The following NUP210L variants were observed in gnomAD, a reference collection of about 807,000 sequenced individuals.
The protein encoded by NUP210L is nuclear pore membrane glycoprotein 210-like.
In NUP210L, 74 loss-of-function variants were observed where a neutral mutation model predicts 208.5. The observed-to-expected ratio is 0.35, with a 90% CI of 0.29 to 0.43. The LOEUF is 0.43. Ranked by LOEUF, NUP210L falls within the 20% of genes least tolerant of loss-of-function variation. The pLI is 1.00. For missense variants in NUP210L, 1,843 were observed against 2,289.4 expected, an observed-to-expected ratio of 0.81 and a Z score of 3.98; for synonymous variants, 780 against 816.9, an observed-to-expected ratio of 0.95 and a Z score of 0.77.
At chr1:154,009,344 A>T (rs2147903868) in intron 35 of NUP210L, among the ~76,000 whole-genome samples, 1 of 152,294 alleles carries the variant, frequency 6.6e-6, no homozygotes, top group East Asian at 1.9e-4. Flanking sequence ...TTTCAATTCA[A>T]CAAAACATCC....
intron 2 of NUP210L, among the ~76,000 whole-genome samples, chr1:154,149,643 T>C (rs1659289470): frequency 6.6e-6 from 1 of 152,068 alleles, no homozygotes; most frequent in South Asian, 2.1e-4. Flanking sequence ...CAGGAGGTCA[T>C]AGCTGCAATG....
chr1:154,041,444 C>T (rs1390392905), intron 27 of NUP210L, among the ~76,000 whole-genome samples: 2 of 152,118 alleles, frequency 1.3e-5, no homozygotes, highest in African/African-American at 4.8e-5. Flanking sequence ...GATTCTCATG[C>T]CTCAGCCACC....
rs1653750611 is a variant in NUP210L at position 154,055,123 on chromosome 1, T to TTTTCTTTCTCTTTCTTTCTTTTCTC, written c.3241-292_3241-291insGAGAAAAGAAAGAAAGAGAAAGAAA. Among the ~76,000 whole-genome samples, 43 of 117,236 alleles carry TTTTCTTTCTCTTTCTTTCTTTTCTC rather than the reference T, an allele frequency of 3.7e-4. 1 individual carries two copies. In the South Asian group the frequency reaches 4.3e-3, roughly 12 times the overall value. The allele number at this position is 117,236 out of a possible 152,430, so 76.9% of individuals were successfully genotyped here. On this transcript the variant is annotated intron_variant, in intron 23 of 39. Coordinates refer to ENST00000368559, the Ensembl canonical transcript of NUP210L. ...TCTTTCTTTTCTTTCTCTTTCTTTC[T>TTTTCTTTCTCTTTCTTTCTTTTCTC]TTTCTTTCTTTCTTTCTTTCTTTCT...
In NUP210L at chr1:154,138,276, C is replaced by T. The variant is rs760850835; in HGVS notation, c.718-38G>A. ...GGGAAGGAAAAAAAAAAACAGTTTCCATGGACGGAACCCTCACAGTCATCT... is the reference window on the plus strand; with the variant it reads ...GGGAAGGAAAAAAAAAAACAGTTTCTATGGACGGAACCCTCACAGTCATCT... On this transcript the variant is annotated intron_variant, in intron 5 of 39. Transcript: ENST00000368559. 4 of 1,510,762 alleles carry T rather than the reference C, an allele frequency of 2.6e-6. No homozygotes were observed. In the Admixed American group the frequency reaches 1.1e-4, roughly 41 times the overall value. The allele number at this position is 1,510,762 out of a possible 1,614,324, so 93.6% of individuals were successfully genotyped here.
At chr1:154,122,435 T>C (rs1657659859) in intron 10 of NUP210L, among the ~76,000 whole-genome samples, 1 of 151,274 alleles carries the variant, frequency 6.6e-6, no homozygotes, top group South Asian at 2.1e-4. Flanking sequence ...GGCAGGCAGA[T>C]CATGAGGTCA....
intron 33 of NUP210L, among the ~76,000 whole-genome samples, chr1:154,016,975 C>T (rs1406496446): frequency 6.6e-6 from 1 of 150,782 alleles, no homozygotes; most frequent in Non-Finnish European, 1.5e-5. Flanking sequence ...CAAAAAAAAA[C>T]AAAAAAACAC....
intron 38 of NUP210L, among the ~76,000 whole-genome samples, chr1:153,993,418 T>C (rs1055896758): frequency 1.3e-5 from 2 of 152,008 alleles, no homozygotes; most frequent in Admixed American, 6.6e-5. Flanking sequence ...TATAAAAAAT[T>C]AGCTGGGCGT....
chr1:154,004,073 TTG>T lies in NUP210L; in HGVS notation c.4931-2090_4931-2089del, dbSNP rs1310885460. 6.7e-5 allele frequency among the ~76,000 whole-genome samples: 10 copies of T among 150,334 alleles called. 1 individual carries two copies. Among genetic ancestry groups the T allele is most frequent in the African/African-American group, 9.8e-5 (4 of 40,680 alleles). ...CTTCACAGGTATCCTTGCCTGTTTT[TTG>T]TTTTTTTTTTTGAGATGGAGTCTCA... is the stretch of plus-strand genomic sequence containing the variant. On this transcript the variant is annotated intron_variant, in intron 35 of 39. Coordinates refer to ENST00000368559, the Ensembl canonical transcript of NUP210L.
At chr1:154,090,222 A>C (rs1270661850) in intron 15 of NUP210L, among the ~76,000 whole-genome samples, 2 of 152,070 alleles carry the variant, frequency 1.3e-5, no homozygotes, top group Non-Finnish European at 1.5e-5. Context: ...CAGGAAAAAA[A>C]AAAAAAATCT....
chr1:154,149,620 G>A (rs970317645), intron 2 of NUP210L, among the ~76,000 whole-genome samples: 5 of 152,058 alleles, frequency 3.3e-5, no homozygotes, highest in African/African-American at 1.2e-4. Context: ...GAAGTAGGGG[G>A]ATCACTTGAG....
At chr1:154,148,437 A>G (rs1659225111) in intron 2 of NUP210L, among the ~76,000 whole-genome samples, 1 of 151,950 alleles carries the variant, frequency 6.6e-6, no homozygotes, top group African/African-American at 2.4e-5. Flanking sequence ...GAGCCCAGAT[A>G]GTGCCAGTGC....
chr1:154,047,074 G>T (rs1205801651), intron 25 of NUP210L, among the ~76,000 whole-genome samples: 1 of 151,934 alleles, frequency 6.6e-6, no homozygotes. Flanking sequence ...AAACAAAAAA[G>T]TAGAACAATG....
At chr1:154,056,226 A>G (rs893773199) in intron 23 of NUP210L, among the ~76,000 whole-genome samples, 1 of 152,104 alleles carries the variant, frequency 6.6e-6, no homozygotes, top group Non-Finnish European at 1.5e-5. Flanking sequence ...ATCATGGCTT[A>G]TTTCAGCCTG....
At chr1:154,094,305 A>G (rs867340484) in intron 15 of NUP210L, among the ~76,000 whole-genome samples, 60 of 151,982 alleles carry the variant, frequency 3.9e-4, no homozygotes, top group African/African-American at 1.4e-3. Context: ...AACAACAACA[A>G]AAATTAGCTG....
At chr1:154,072,728 A>T (rs1402754380) in intron 16 of NUP210L, among the ~76,000 whole-genome samples, 2 of 152,184 alleles carry the variant, frequency 1.3e-5, no homozygotes, top group Admixed American at 6.5e-5. Flanking sequence ...ATGTAGGAGA[A>T]TGAAACTGGG....
At position 154,101,733 on chromosome 1, in the gene NUP210L, A is replaced by T. The variant is rs1413434718; in HGVS notation, c.1820-1590T>A. ...TTATAGAAATCTAGAAAATAGAAAG[A>T]TTATTTCAAGCTGGAGAGATCAAGG... On this transcript the variant is annotated intron_variant, in intron 13 of 39. Transcript: ENST00000368559. Among the ~76,000 whole-genome samples the T allele has an allele frequency of 5.9e-5, 9 of 152,362 alleles. No homozygotes were observed. In the South Asian group the frequency reaches 1.7e-3, roughly 28 times the overall value.
At chr1:154,074,095 C>G (rs1317443798) in intron 16 of NUP210L, among the ~76,000 whole-genome samples, 4 of 151,648 alleles carry the variant, frequency 2.6e-5, no homozygotes, top group African/African-American at 9.7e-5. Flanking sequence ...GGTTGTACCA[C>G]TATTAGTGAT....
exon 24 of NUP210L, chr1:154,054,775 T>A: frequency 6.2e-7 from 1 of 1,610,872 alleles, no homozygotes; most frequent in South Asian, 1.1e-5. Flanking sequence ...TTCACCTGCA[T>A]CATATTCATT....
At chr1:154,130,352 A>C (rs1212218989) in intron 7 of NUP210L, among the ~76,000 whole-genome samples, 1 of 151,548 alleles carries the variant, frequency 6.6e-6, no homozygotes, top group Non-Finnish European at 1.5e-5. Flanking sequence ...GGCTCACTGA[A>C]ACCACTGCCT....
Sources: gnomAD v4.1 joint callset for allele counts (sites outside exome capture counted in the v4.1 genomes callset) on GRCh38, gnomAD v4.1.1 for gene constraint, MANE v1.5 for transcripts, NCBI Gene and HGNC (gene_info 2026-07-23, HGNC 2026-07-21) for gene names.